Variants in AP2A2 observed in about 807,000 individuals in gnomAD.
AP2A2 encodes the protein AP-2 complex subunit alpha-2.
AP2A2 carries 32 observed loss-of-function variants against 104.2 expected under a neutral mutation model. The observed-to-expected ratio is 0.31, with a 90% CI of 0.23 to 0.41. The LOEUF (loss-of-function observed/expected upper bound fraction) is 0.41, where lower values mean the gene tolerates loss of function less well. Ranked by LOEUF, AP2A2 falls within the 10% of genes least tolerant of loss-of-function variation. The pLI, the probability that AP2A2 is intolerant of heterozygous loss-of-function variation, is 1.00. For synonymous variants in AP2A2, 539 were observed against 533.3 expected (o/e 1.01, Z -0.15); for missense variants, 912 against 1,261.0 (o/e 0.72, Z 4.19).
At chr11:986,983 C>T in intron 9 of AP2A2, 30 bp downstream of exon 9, 2 of 1,547,556 alleles carry the variant, frequency 1.3e-6, no homozygotes, top group Non-Finnish European at 1.8e-6. Flanking sequence ...GTTCTGCTCA[C>T]TCCCTGAGCA....
chr11:947,165 C>G (rs947175883), intron 1 of AP2A2, among the ~76,000 whole-genome samples: 5 of 152,092 alleles, frequency 3.3e-5, no homozygotes, highest in Non-Finnish European at 5.9e-5. Context: ...CTCCCGCCAC[C>G]AGGCCCAGCT....
At chr11:953,823 T>G (rs1395090753) in intron 1 of AP2A2, among the ~76,000 whole-genome samples, 1 of 150,378 alleles carries the variant, frequency 6.6e-6, no homozygotes, top group Non-Finnish European at 1.5e-5. Context: ...ACTACTCTTC[T>G]CTCTACCTTC....
At chr11:1,005,115 G>T (rs757498536) in intron 16 of AP2A2, among the ~76,000 whole-genome samples, 22 of 152,226 alleles carry the variant, frequency 1.4e-4, no homozygotes, top group African/African-American at 5.1e-4. Context: ...CTAATTAAAC[G>T]AAATGTGGTC....
intron 4 of AP2A2, among the ~76,000 whole-genome samples, chr11:973,031 G>A (rs1210300082): frequency 6.6e-6 from 1 of 152,258 alleles, no homozygotes; most frequent in Non-Finnish European, 1.5e-5. Context: ...TGTGCCACAG[G>A]CAGGGCCCCC....
chr11:937,768 C>A (rs540196378), intron 1 of AP2A2, among the ~76,000 whole-genome samples: 8 of 152,314 alleles, frequency 5.3e-5, no homozygotes, highest in African/African-American at 1.9e-4. Flanking sequence ...CTACTGAGTG[C>A]GTGTTGCTTT....
At chr11:1,000,351 G>T in intron 14 of AP2A2, 81 bp from the exon 15 acceptor site, 1 of 1,404,384 alleles carries the variant, frequency 7.1e-7, no homozygotes, top group Non-Finnish European at 9.7e-7. Flanking sequence ...TGCCATGGGG[G>T]AGGACGTGCA....
rs199955220 is a variant in AP2A2 at position 985,555 on chromosome 11, C to T, written c.935C>T (p.Ala312Val). 6.2e-7 allele frequency: 1 copy of T among 1,613,966 alleles called. No individual in the cohort carries two copies. Among genetic ancestry groups the T allele is most frequent in the East Asian group, 2.2e-5 (1 of 44,882 alleles). ...SNAKNAVLFE[A>V]ISLIIHHDSE... is the part of the protein sequence containing the mutation. ...GCGAAGAATGCCGTGCTCTTCGAGG[C>T]CATCAGCTTAATCATTCACCATGAC... The change falls in exon 8 of 22, where the codon GCC becomes GTC. Residue 312 changes from alanine to valine, a missense_variant. This residue lies in a region of AP2A2 where 350 missense variants were observed against 487.0 expected (regional missense o/e 0.72). Coordinates refer to ENST00000448903, the MANE Select transcript of AP2A2 (RefSeq NM_012305.4).
chr11:937,570 T>C (rs1385135794), intron 1 of AP2A2, among the ~76,000 whole-genome samples: 1 of 152,202 alleles, frequency 6.6e-6, no homozygotes, highest in South Asian at 2.1e-4. Context: ...TTTGCGCCAT[T>C]GCGCAGCCTG....
intron 1 of AP2A2, among the ~76,000 whole-genome samples, chr11:927,296 C>A (rs951354027): frequency 2.0e-5 from 3 of 152,106 alleles, no homozygotes; most frequent in African/African-American, 7.2e-5. Context: ...AAATCCTGAG[C>A]TCAAGTGATC....
Position 1,003,782 on chromosome 11 carries a change from G to A in AP2A2, c.2184G>A (p.Lys728=), listed in dbSNP as rs1590019777. Residue 728 remains lysine, a synonymous_variant, in exon 16 of 22, where the codon AAG becomes AAA. Transcript: ENST00000448903. ...FENQLLQIGL[K]SEFRQNLGRM... ...ACCAGCTGCTTCAAATTGGACTTAA[G>A]TCTGAATTTCGGCAGAATTTAGGTA... 3 of 1,605,910 alleles carry A rather than the reference G, an allele frequency of 1.9e-6. No homozygotes were observed. The highest frequency in any genetic ancestry group is 2.5e-6 in the Non-Finnish European group (3 of 1,176,698).
At chr11:1,008,783 C>T in intron 18 of AP2A2, 1 of 412,720 alleles carries the variant, frequency 2.4e-6, no homozygotes, top group African/African-American at 2.0e-5. Flanking sequence ...ATTCTTTGTG[C>T]AAATGCCTTT....
In AP2A2 at chr11:1,000,581, C is replaced by T. The variant is rs750115677; in HGVS notation, c.2106C>T (p.Ser702=). ...TGGTCGCGCCTCTCGCTCCTGGCTC[C>T]GAAGACAACTTTGCCAGGTAGTCAG... ...ASVVAPLAPG[S]EDNFARFVCK... Residue 702 remains serine (S), a synonymous_variant, in exon 15 of 22, where the codon TCC becomes TCT. Coordinates refer to ENST00000448903, the MANE Select transcript of AP2A2 (RefSeq NM_012305.4). The T allele has an allele frequency of 1.2e-5, 18 of 1,548,074 alleles. No individual in the cohort carries two copies. The highest frequency in any genetic ancestry group is 7.2e-5 in the East Asian group (3 of 41,820).
chr11:986,383 G>A (rs1855457074), intron 8 of AP2A2, among the ~76,000 whole-genome samples: 1 of 152,244 alleles, frequency 6.6e-6, no homozygotes, highest in Non-Finnish European at 1.5e-5. Flanking sequence ...AGACAGTAGA[G>A]TCAGTGGGGC....
At position 1,010,647 on chromosome 11, in the gene AP2A2, C is replaced by T; in HGVS notation, c.*22C>T. ...TTAGTCCTGAGGATGGAAGACCAGG[C>T]TCGTGTGTCTTGTGTTGTCTTCGTC... On this transcript the variant is annotated 3_prime_UTR_variant, in exon 22 of 22. Transcript: ENST00000448903. The T allele has an allele frequency of 6.4e-7, 1 of 1,558,372 alleles. No individual in the cohort carries two copies. Among genetic ancestry groups the T allele is most frequent in the Non-Finnish European group, 8.7e-7 (1 of 1,145,162 alleles).
At position 952,890 on chromosome 11, in the gene AP2A2, C is replaced by T. The variant is rs551466987; in HGVS notation, c.68-6547C>T. Among the ~76,000 whole-genome samples, 3 of 152,322 alleles carry T rather than the reference C, an allele frequency of 2.0e-5. No individual in the cohort carries two copies. In the South Asian group the frequency reaches 6.2e-4, roughly 32 times the overall value. On this transcript the variant is annotated intron_variant, in intron 1 of 21. Coordinates refer to ENST00000448903, the MANE Select transcript of AP2A2 (RefSeq NM_012305.4). The stretch of plus-strand genomic sequence containing the variant: ...GGGTGGTTGAAGTCCTCCTGTGAGG[C>T]CCTCTGCCTTATGGAGATCAGTGCA...
At chr11:950,228 G>C (rs1854002034) in intron 1 of AP2A2, among the ~76,000 whole-genome samples, 1 of 151,484 alleles carries the variant, frequency 6.6e-6, no homozygotes, top group Non-Finnish European at 1.5e-5. Flanking sequence ...TAACTCCATG[G>C]ATCATAAACC....
At position 993,121 on chromosome 11, in the gene AP2A2, G is replaced by A. The variant is rs931748048; in HGVS notation, c.1453-163G>A. 6.6e-6 allele frequency among the ~76,000 whole-genome samples: 1 copy of A among 152,208 alleles called. No homozygotes were observed. Among genetic ancestry groups the A allele is most frequent in the Non-Finnish European group, 1.5e-5 (1 of 68,018 alleles). On this transcript the variant is annotated intron_variant, in intron 11 of 21. Transcript: ENST00000448903. The surrounding 1 kb of genome is among the most constrained non-coding windows in gnomAD (Gnocchi z 8.2). Reference sequence around the variant, plus strand: ...CCTTGGGTTCCTTGCTGCTGACACAGGTACTGAGGGTGCTGAGGAAGGCAG... The same window carrying A: ...CCTTGGGTTCCTTGCTGCTGACACAAGTACTGAGGGTGCTGAGGAAGGCAG...
At chr11:1,009,567 G>A (rs1042071354) in intron 20 of AP2A2, 116 bp from the exon 21 acceptor site, 125 of 1,214,410 alleles carry the variant, frequency 1.0e-4, no homozygotes, top group Middle Eastern at 2.9e-4. Context: ...CTGGAGGGGC[G>A]GCCCCGGGGG....
At chr11:952,043 A>G (rs1854071177) in intron 1 of AP2A2, among the ~76,000 whole-genome samples, 1 of 152,018 alleles carries the variant, frequency 6.6e-6, no homozygotes, top group Non-Finnish European at 1.5e-5. Context: ...TTTTTAAAAA[A>G]TTATTTATGG....
Sources: allele counts gnomAD v4.1 joint callset (sites outside exome capture counted in the v4.1 genomes callset), GRCh38; gene constraint gnomAD v4.1.1; regional missense constraint gnomAD v4.1.1; non-coding constraint Gnocchi (gnomAD v3.1); transcripts MANE v1.5; gene names NCBI Gene and HGNC (gene_info 2026-07-23, HGNC 2026-07-21).